The following BLTP2 variants were observed in gnomAD, a reference collection of about 807,000 sequenced individuals.
BLTP2 encodes bridge-like lipid transfer protein family member 2.
chr17:28,631,638 G>T, the BLTP2 span: 1 of 1,614,038 alleles, frequency 6.2e-7, no homozygotes, highest in Non-Finnish European at 8.5e-7. Context: ...TCACCATCTG[G>T]GTAACACTCC....
the BLTP2 span, among the ~76,000 whole-genome samples, chr17:28,629,084 ATTT>A: frequency 2.2e-4 from 33 of 150,288 alleles, no homozygotes; most frequent in Non-Finnish European, 4.0e-4. Context: ...TTCCTCTAAA[ATTT>A]TTTTTTTAAG....
chr17:28,631,370 T>C, the BLTP2 span: 1 of 996,264 alleles, frequency 1.0e-6, no homozygotes, highest in South Asian at 1.4e-5. Context: ...ATAAATAAAT[T>C]TTTGTTGTAT....
chr17:28,628,963 T>G, the BLTP2 span, among the ~76,000 whole-genome samples: 1 of 151,496 alleles, frequency 6.6e-6, no homozygotes, highest in Non-Finnish European at 1.5e-5. Flanking sequence ...CTGGGCGTGG[T>G]GGGGAGACAG....
At chr17:28,642,877 A>G in the BLTP2 span, 3 of 1,583,640 alleles carry the variant, frequency 1.9e-6, no homozygotes, top group East Asian at 6.7e-5. Context: ...ACCTTTTCCC[A>G]TCACTATCCA....
At chr17:28,635,693 T>C in the BLTP2 span, 7 of 1,395,500 alleles carry the variant, frequency 5.0e-6, no homozygotes, top group Admixed American at 1.7e-4. Context: ...CATGCACACC[T>C]GGCTCAAGAA....
At chr17:28,635,639 A>C in the BLTP2 span, 3 of 1,578,406 alleles carry the variant, frequency 1.9e-6, no homozygotes, top group African/African-American at 4.1e-5. Flanking sequence ...AGGATCTGTC[A>C]ATTACCATGT....
At chr17:28,618,122 G>A in the BLTP2 span, among the ~76,000 whole-genome samples, 2 of 151,570 alleles carry the variant, frequency 1.3e-5, no homozygotes, top group Admixed American at 6.6e-5. Flanking sequence ...TAGTAGAGAT[G>A]GGGTTTCACC....
chr17:28,632,292 A>C, the BLTP2 span: 1 of 1,484,456 alleles, frequency 6.7e-7, no homozygotes, highest in African/African-American at 1.4e-5. Context: ...ACAGAGGTAA[A>C]GCTAAATCCT....
chr17:28,634,732 C>T, the BLTP2 span: 14 of 1,614,098 alleles, frequency 8.7e-6, no homozygotes, highest in Admixed American at 1.7e-5. Flanking sequence ...GCCATAGAGA[C>T]GACGGGAACG....
chr17:28,640,430 C>T, the BLTP2 span: 1 of 960,822 alleles, frequency 1.0e-6, no homozygotes, highest in Non-Finnish European at 1.6e-6. Flanking sequence ...TCCCACACTA[C>T]ATGGATGTAA....
the BLTP2 span, chr17:28,638,630 T>A: frequency 6.2e-7 from 1 of 1,607,912 alleles, no homozygotes; most frequent in Non-Finnish European, 8.5e-7. Context: ...GAGCCAGGAT[T>A]TGGGGGAAGG....
the BLTP2 span, chr17:28,623,745 A>G: frequency 6.2e-7 from 1 of 1,612,086 alleles, no homozygotes; most frequent in Non-Finnish European, 8.5e-7. Context: ...GGCCTTCACA[A>G]ACTCACTGAC....
At chr17:28,634,414 C>G in the BLTP2 span, 1 of 619,504 alleles carries the variant, frequency 1.6e-6, no homozygotes, top group South Asian at 1.8e-5. Context: ...CCACCCAAAA[C>G]GGCACAGTTC....
At chr17:28,616,596 G>A in the BLTP2 span, 1 of 1,613,988 alleles carries the variant, frequency 6.2e-7, no homozygotes, top group South Asian at 1.1e-5. The surrounding 1 kb of genome is among the most constrained non-coding windows in gnomAD (Gnocchi z 4.8). Flanking sequence ...TTCTTCTGGG[G>A]CTCCACCATA....
At chr17:28,635,153 G>A in the BLTP2 span, 17 of 1,613,886 alleles carry the variant, frequency 1.1e-5, no homozygotes, top group Non-Finnish European at 1.4e-5. Context: ...CGGTTCCGGA[G>A]GGTCTGCAGC....
the BLTP2 span, chr17:28,642,862 T>TG: frequency 2.7e-6 from 4 of 1,501,606 alleles, no homozygotes; most frequent in Non-Finnish European, 3.7e-6. Context: ...TGCTCCCCAG[T>TG]GCTTACCTTT....
chr17:28,620,914 C>G, the BLTP2 span: 2 of 1,408,256 alleles, frequency 1.4e-6, no homozygotes, highest in Admixed American at 1.8e-5. Context: ...TCTACTGTCT[C>G]AAAACCACCA....
At chr17:28,640,470 A>G in the BLTP2 span, 1 of 1,356,400 alleles carries the variant, frequency 7.4e-7, no homozygotes. Flanking sequence ...CCCCGTAGAC[A>G]AGCTCAGCAA....
At chr17:28,640,376 G>C in the BLTP2 span, 1 of 618,774 alleles carries the variant, frequency 1.6e-6, no homozygotes, top group African/African-American at 1.9e-5. Context: ...CTGGGCAACA[G>C]AGCAAGACTC....
Sources: allele counts gnomAD v4.1 joint callset (sites outside exome capture counted in the v4.1 genomes callset), GRCh38; gene constraint gnomAD v4.1.1; non-coding constraint Gnocchi (gnomAD v3.1); transcripts MANE v1.5; gene names NCBI Gene and HGNC (gene_info 2026-07-23, HGNC 2026-07-21).